Variants in DLGAP2 observed in about 807,000 individuals in gnomAD.
DLGAP2 encodes DLG associated protein 2, also known as disks large-associated protein 2.
Under a neutral mutation model 100.3 loss-of-function variants are expected in DLGAP2, and 26 were observed. The observed-to-expected ratio is 0.26, with a 90% confidence interval of 0.19 to 0.36. DLGAP2 has a LOEUF of 0.36. DLGAP2 is among the 10% of genes least tolerant of loss of function. DLGAP2 has a pLI of 1.00. For missense variants in DLGAP2, 1,858 were observed against 1,453.2 expected, an observed-to-expected ratio of 1.28 and a Z score of -4.53; for synonymous variants, 886 against 630.1, an observed-to-expected ratio of 1.41 and a Z score of -6.08.
chr8:871,830 G>C (rs78408632), intron 1 of DLGAP2, among the ~76,000 whole-genome samples: 245 of 152,228 alleles, frequency 1.6e-3, no homozygotes, highest in African/African-American at 5.5e-3. Flanking sequence ...GTCTCACAGA[G>C]AAAGGTGGGC....
intron 2 of DLGAP2, among the ~76,000 whole-genome samples, chr8:1,108,802 T>C (rs548080125): frequency 1.3e-3 from 168 of 130,066 alleles, no homozygotes; most frequent in African/African-American, 5.0e-3. Flanking sequence ...CTGTGAGGTG[T>C]GAATGTGTCT....
At chr8:1,261,413 C>G (rs907575467) in intron 3 of DLGAP2, among the ~76,000 whole-genome samples, 1 of 150,184 alleles carries the variant, frequency 6.7e-6, no homozygotes. Context: ...AGGTCAGCTT[C>G]CAGATCTTTA....
chr8:766,338 C>G (rs971817311), intron 1 of DLGAP2, among the ~76,000 whole-genome samples: 5 of 152,216 alleles, frequency 3.3e-5, no homozygotes, highest in African/African-American at 1.2e-4. Flanking sequence ...GCTGCACACC[C>G]CTTGTTGGTC....
At chr8:1,568,196 C>T (rs1328911711) in intron 6 of DLGAP2, among the ~76,000 whole-genome samples, 1 of 147,358 alleles carries the variant, frequency 6.8e-6, no homozygotes, top group Non-Finnish European at 1.5e-5. Context: ...TCTGTCTCTG[C>T]CTGTGGCCCC....
chr8:802,769 T>C (rs1355983678), intron 1 of DLGAP2, among the ~76,000 whole-genome samples: 1 of 152,122 alleles, frequency 6.6e-6, no homozygotes, highest in East Asian at 1.9e-4. Flanking sequence ...CCATAACATC[T>C]AAGATCTCTT....
chr8:1,178,020 G>A (rs1363418564), intron 2 of DLGAP2, among the ~76,000 whole-genome samples: 1 of 152,208 alleles, frequency 6.6e-6, no homozygotes, highest in Non-Finnish European at 1.5e-5. Context: ...GGTGGTGAAG[G>A]GATTCGGCCA....
chr8:1,241,435 C>T (rs1341652901), intron 2 of DLGAP2, among the ~76,000 whole-genome samples: 4 of 152,236 alleles, frequency 2.6e-5, no homozygotes, highest in Non-Finnish European at 1.5e-5. Context: ...AGTGCTGTGT[C>T]TGGAGCTCTC....
chr8:1,260,230 T>C lies in DLGAP2; in HGVS notation c.106+1347T>C, dbSNP rs144807421. The stretch of plus-strand genomic sequence containing the variant: ...TGTTTGAAAGCTTTATTATTTCTTA[T>C]TATAACTTCCATTGCCATTCCCACC... On this transcript the variant is annotated intron_variant, in intron 3 of 14. Transcript: ENST00000637795. Among the ~76,000 whole-genome samples, 1,187 of 152,300 alleles carry C rather than the reference T, an allele frequency of 7.8e-3. 15 individuals carry two copies. The highest frequency in any genetic ancestry group is 0.049 in the South Asian group (234 of 4,814).
At chr8:1,072,216 G>A (rs774919436) in intron 2 of DLGAP2, among the ~76,000 whole-genome samples, 22 of 152,166 alleles carry the variant, frequency 1.4e-4, no homozygotes, top group Non-Finnish European at 2.5e-4. Context: ...TGAGGGGACC[G>A]GGAGCCTCCT....
At chr8:1,077,435 C>T (rs80318422) in intron 2 of DLGAP2, among the ~76,000 whole-genome samples, 4,655 of 152,194 alleles carry the variant, frequency 0.031, 226 homozygotes, top group African/African-American at 0.11. Context: ...GATGTCAGGG[C>T]CTCAGCTTCT....
At chr8:1,031,215 C>T (rs1351845342) in intron 2 of DLGAP2, among the ~76,000 whole-genome samples, 1 of 151,996 alleles carries the variant, frequency 6.6e-6, no homozygotes, top group Non-Finnish European at 1.5e-5. Flanking sequence ...ATGGAAGAAT[C>T]CCAGGGTGGC....
chr8:998,985 G>A (rs1800865034), intron 2 of DLGAP2, among the ~76,000 whole-genome samples: 1 of 152,162 alleles, frequency 6.6e-6, no homozygotes, highest in Admixed American at 6.5e-5. Context: ...CTTGGGTCAT[G>A]TTACCTGTAG....
chr8:1,615,702 T>G (rs1797128551), intron 6 of DLGAP2, among the ~76,000 whole-genome samples: 1 of 151,464 alleles, frequency 6.6e-6, no homozygotes, highest in South Asian at 2.1e-4. Flanking sequence ...TAAACAGCCA[T>G]TGTAAGGTCT....
chr8:1,694,769 G>A (rs768711515), intron 13 of DLGAP2, among the ~76,000 whole-genome samples: 66 of 152,286 alleles, frequency 4.3e-4, no homozygotes, highest in Admixed American at 1.2e-3. Context: ...ACAGAGCTGT[G>A]TGAATTTAAA....
chr8:1,037,727 C>T (rs1160153811), intron 2 of DLGAP2, among the ~76,000 whole-genome samples: 1 of 152,200 alleles, frequency 6.6e-6, no homozygotes, highest in Admixed American at 6.5e-5. Context: ...CAAAACCCAG[C>T]CCCCTTTTAG....
At chr8:900,252 C>G (rs535203062) in intron 1 of DLGAP2, among the ~76,000 whole-genome samples, 1 of 147,220 alleles carries the variant, frequency 6.8e-6, no homozygotes, top group Non-Finnish European at 1.5e-5. Context: ...GCATTGCTCC[C>G]AGGCGGACGG....
chr8:973,240 G>T (rs544979503), intron 2 of DLGAP2, among the ~76,000 whole-genome samples: 3 of 149,516 alleles, frequency 2.0e-5, no homozygotes, highest in Middle Eastern at 3.4e-3. Context: ...GCGGCTGGCC[G>T]GGCGGAGGCT....
Position 1,083,210 on chromosome 8 carries a change from C to G in DLGAP2, c.73+175244C>G, listed in dbSNP as rs573982500. On this transcript the variant is annotated intron_variant, in intron 2 of 14. Transcript: ENST00000637795. ...TCACGTGGATCCTCTACAGGGGCAT[C>G]GCGTAACACAAATGTCAGCTCTCCA... 4.6e-5 allele frequency among the ~76,000 whole-genome samples: 7 copies of G among 152,268 alleles called. No homozygotes were observed. In the South Asian group the frequency reaches 1.5e-3, roughly 32 times the overall value.
rs1250291388 is a variant in DLGAP2, at chr8:1,190,422, GCTGTTGGGGCATC to G, written c.74-68428_74-68416del. Among the ~76,000 whole-genome samples, 36 of 152,030 alleles carry G rather than the reference GCTGTTGGGGCATC, an allele frequency of 2.4e-4. 1 individual carries two copies. Among genetic ancestry groups the G allele is most frequent in the African/African-American group, 7.2e-4 (30 of 41,464 alleles). ...CGGGGCATCTGCTGTTGGGGCATCT[GCTGTTGGGGCATC>G]TGCTGTTGGAGTCGCTCCCCTGTGA... On this transcript the variant is annotated intron_variant, in intron 2 of 14. Transcript: ENST00000637795.
Sources: gnomAD v4.1 joint callset for allele counts (sites outside exome capture counted in the v4.1 genomes callset) on GRCh38, gnomAD v4.1.1 for gene constraint, MANE v1.5 for transcripts, NCBI Gene and HGNC (gene_info 2026-07-23, HGNC 2026-07-21) for gene names.